Variants in GAB2 observed in about 807,000 individuals in gnomAD.
GAB2 encodes the protein GRB2-associated-binding protein 2.
GAB2 carries 26 observed loss-of-function variants against 65.5 expected under a neutral mutation model. That is an observed-to-expected ratio of 0.40 (90% CI 0.29 to 0.55). The LOEUF is 0.55. GAB2 is among the 20% of genes least tolerant of loss of function. The pLI is 0.53. For synonymous variants in GAB2, 321 were observed against 329.6 expected, an observed-to-expected ratio of 0.97 and a Z score of 0.28; for missense variants, 884 against 875.8, an observed-to-expected ratio of 1.01 and a Z score of -0.12.
At chr11:78,399,572 T>C (rs576151524) in intron 1 of GAB2, among the ~76,000 whole-genome samples, 2 of 152,238 alleles carry the variant, frequency 1.3e-5, no homozygotes, top group South Asian at 4.1e-4. Context: ...ATCCTTGAGC[T>C]GTTCCTTTCA....
At chr11:78,226,403 C>A in intron 4 of GAB2, 62 bp downstream of exon 4, 1 of 1,315,972 alleles carries the variant, frequency 7.6e-7, no homozygotes, top group Non-Finnish European at 1.1e-6. Flanking sequence ...GACCATCAAA[C>A]TATTGAGAAC....
At chr11:78,296,665 C>G (rs542158166) in intron 1 of GAB2, among the ~76,000 whole-genome samples, 1 of 152,296 alleles carries the variant, frequency 6.6e-6, no homozygotes, top group South Asian at 2.1e-4. Flanking sequence ...CTTGTGCCAC[C>G]TCAGCTGGGA....
At chr11:78,261,613 T>G (rs555793558) in intron 2 of GAB2, among the ~76,000 whole-genome samples, 1 of 152,262 alleles carries the variant, frequency 6.6e-6, no homozygotes, top group South Asian at 2.1e-4. Context: ...TTCCTTCGTG[T>G]GGGGCTTGGG....
chr11:78,382,198 C>G (rs759215871), intron 1 of GAB2, among the ~76,000 whole-genome samples: 1 of 152,002 alleles, frequency 6.6e-6, no homozygotes, highest in Non-Finnish European at 1.5e-5. Context: ...TTGTTTATGT[C>G]GGAATTGCAG....
intron 1 of GAB2, among the ~76,000 whole-genome samples, chr11:78,299,277 G>A (rs1416395211): frequency 6.6e-6 from 1 of 152,142 alleles, no homozygotes; most frequent in Non-Finnish European, 1.5e-5. Context: ...ACACTTTCCT[G>A]CTCTGGGCCA....
chr11:78,396,693 G>A (rs1856899365), intron 1 of GAB2, among the ~76,000 whole-genome samples: 1 of 152,130 alleles, frequency 6.6e-6, no homozygotes, highest in South Asian at 2.1e-4. Context: ...CGCCTCCCGG[G>A]TTCAAGCGAT....
chr11:78,250,050 C>T, intron 3 of GAB2, 107 bp downstream of exon 3: 3 of 1,183,100 alleles, frequency 2.5e-6, no homozygotes, highest in South Asian at 1.3e-5. Context: ...TGTTTGTCTA[C>T]CTGAAACGAT....
intron 3 of GAB2, among the ~76,000 whole-genome samples, chr11:78,249,524 T>C (rs57533374): frequency 6.6e-6 from 1 of 152,360 alleles, no homozygotes; most frequent in East Asian, 1.9e-4. Flanking sequence ...GAGCTGATGA[T>C]GTTAGAAAAA....
intron 1 of GAB2, among the ~76,000 whole-genome samples, chr11:78,360,151 C>T (rs1055463880): frequency 1.3e-5 from 2 of 152,174 alleles, no homozygotes; most frequent in Admixed American, 1.3e-4. Flanking sequence ...AAGATTTTCC[C>T]CAGTGCTTTC....
intron 1 of GAB2, among the ~76,000 whole-genome samples, chr11:78,406,893 T>C (rs974852563): frequency 6.6e-6 from 1 of 151,516 alleles, no homozygotes; most frequent in Non-Finnish European, 1.5e-5. Context: ...AGTAAAAAAA[T>C]AGAAGATGTA....
intron 2 of GAB2, among the ~76,000 whole-genome samples, chr11:78,278,330 A>G (rs1331864688): frequency 1.3e-5 from 2 of 151,548 alleles, no homozygotes; most frequent in East Asian, 3.9e-4. Context: ...TCGACCTCCC[A>G]AAGTGTTGGG....
intron 1 of GAB2, among the ~76,000 whole-genome samples, chr11:78,393,727 C>T (rs1273638255): frequency 2.0e-5 from 3 of 152,170 alleles, no homozygotes; most frequent in South Asian, 2.1e-4. Flanking sequence ...TATCCAAGAA[C>T]AGAAGAATCA....
intron 1 of GAB2, among the ~76,000 whole-genome samples, 180 bp from the exon 2 acceptor site, chr11:78,281,081 G>A (rs774248611): frequency 1.3e-5 from 2 of 152,034 alleles, no homozygotes; most frequent in Non-Finnish European, 2.9e-5. Context: ...AGCCTCCTGG[G>A]TGGCTGGGAC....
chr11:78,285,747 G>A (rs774863244), intron 1 of GAB2, among the ~76,000 whole-genome samples: 117 of 152,152 alleles, frequency 7.7e-4, no homozygotes, highest in Non-Finnish European at 1.4e-3. Flanking sequence ...GATTACAGGC[G>A]TGAGCCACGG....
At chr11:78,278,173 G>T (rs181992252) in intron 2 of GAB2, among the ~76,000 whole-genome samples, 1 of 151,026 alleles carries the variant, frequency 6.6e-6, no homozygotes, top group African/African-American at 2.4e-5. Flanking sequence ...AGGTTCGAGC[G>T]ATTCTTCTGC....
At chr11:78,357,170 A>G (rs4945270) in intron 1 of GAB2, among the ~76,000 whole-genome samples, 24,204 of 152,234 alleles carry the variant, frequency 0.16, 2,577 homozygotes, top group East Asian at 0.41. Flanking sequence ...TTCATTCACC[A>G]CAATAAAAAA....
chr11:78,246,495 T>C (rs1319261546), intron 3 of GAB2, among the ~76,000 whole-genome samples: 2 of 152,080 alleles, frequency 1.3e-5, no homozygotes, highest in Non-Finnish European at 2.9e-5. Context: ...GGAGAAGTGC[T>C]ATTTTTTTGT....
At chr11:78,355,510 A>G (rs2134710316) in intron 1 of GAB2, among the ~76,000 whole-genome samples, 1 of 152,136 alleles carries the variant, frequency 6.6e-6, no homozygotes, top group Non-Finnish European at 1.5e-5. Flanking sequence ...CCACAGCAAC[A>G]TTTCAAGAGA....
chr11:78,344,443 G>T lies in GAB2; in HGVS notation c.76-63542C>A, dbSNP rs528062660. 6.0e-4 allele frequency among the ~76,000 whole-genome samples: 91 copies of T among 152,316 alleles called. No homozygotes were observed. The South Asian group carries it at 0.018, about 30-fold the overall frequency. ...GGTATAAATGCAAAGGAAAGACAAT[G>T]TGGCAAGTGACGGAAAGAGAATCTA... On this transcript the variant is annotated intron_variant, in intron 1 of 9. Coordinates refer to ENST00000361507, the MANE Select transcript of GAB2 (RefSeq NM_080491.3).
Sources: allele counts gnomAD v4.1 joint callset (sites outside exome capture counted in the v4.1 genomes callset), GRCh38; gene constraint gnomAD v4.1.1; transcripts MANE v1.5; gene names NCBI Gene and HGNC (gene_info 2026-07-23, HGNC 2026-07-21).